IGF2R: variants seen among roughly 807,000 people sequenced by gnomAD.
IGF2R encodes the protein cation-independent mannose-6-phosphate receptor.
Under a neutral mutation model 270.6 loss-of-function variants are expected in IGF2R, and 91 were observed. The observed-to-expected ratio is 0.34, with a 90% CI of 0.28 to 0.40. The LOEUF (loss-of-function observed/expected upper bound fraction) is 0.40. IGF2R is among the 10% of genes least tolerant of loss of function. The pLI, the probability that IGF2R is intolerant of heterozygous loss-of-function variation, is 1.00. For missense variants in IGF2R, 2,805 were observed against 3,188.3 expected (o/e 0.88, Z 2.90); for synonymous variants, 1,316 against 1,258.9 (o/e 1.05, Z -0.96).
At chr6:160,079,870 G>C in intron 38 of IGF2R, 83 bp downstream of exon 38, 1 of 1,279,286 alleles carries the variant, frequency 7.8e-7, no homozygotes, top group Non-Finnish European at 1.1e-6. Flanking sequence ...AAGCTGCGGA[G>C]TGGAGCTCCA....
In IGF2R at chr6:159,981,393, T is replaced by A. The variant is rs941252211; in HGVS notation, c.150-9791T>A. Among the ~76,000 whole-genome samples, 12 of 152,180 alleles carry A rather than the reference T, an allele frequency of 7.9e-5. No homozygotes were observed. In the South Asian group the frequency reaches 2.5e-3, roughly 32 times the overall value. On this transcript the variant is annotated intron_variant, in intron 1 of 47. Transcript: ENST00000356956. ...TGCGTGTGTCTCTGTCTTCATCAGCTCCTAGGAGATGCCTCCGGACAGGGG... is the reference window on the plus strand; with the variant it reads ...TGCGTGTGTCTCTGTCTTCATCAGCACCTAGGAGATGCCTCCGGACAGGGG...
intron 14 of IGF2R, 58 bp downstream of exon 14, chr6:160,045,940 T>A (rs898380689): frequency 7.1e-7 from 1 of 1,411,700 alleles, no homozygotes; most frequent in African/African-American, 1.5e-5. Flanking sequence ...TAAGGTTTTT[T>A]CCTTAACATT....
At position 160,063,461 on chromosome 6, in the gene IGF2R, C is replaced by T; in HGVS notation, c.3717C>T (p.Asp1239=). The T allele has an allele frequency of 6.2e-7, 1 of 1,613,086 alleles. No homozygotes were observed. Among genetic ancestry groups the T allele is most frequent in the Non-Finnish European group, 8.5e-7 (1 of 1,180,022 alleles). ...ACCCAAGGCATGGCAACTTGTATGA[C>T]CTGAAGCCCCTGGGCCTCAACGACA... The part of the protein sequence containing the change: ...VKDPRHGNLY[D]LKPLGLNDTI... Residue 1239 remains aspartate (D), a synonymous_variant, in exon 27 of 48, where the codon GAC becomes GAT. Transcript: ENST00000356956.
At chr6:160,053,675 C>T (rs1778246371) in intron 19 of IGF2R, among the ~76,000 whole-genome samples, 1 of 152,126 alleles carries the variant, frequency 6.6e-6, no homozygotes, top group Non-Finnish European at 1.5e-5. Flanking sequence ...ATATTATACA[C>T]ATCTCTGGTG....
At chr6:160,048,028 C>T in intron 17 of IGF2R, 121 bp downstream of exon 17, 1 of 740,560 alleles carries the variant, frequency 1.4e-6, no homozygotes, top group South Asian at 1.5e-5. Context: ...GGCTGCAGGA[C>T]CAAGGTGGGG....
chr6:160,031,285 TGTC>T (rs1032703666), intron 7 of IGF2R, among the ~76,000 whole-genome samples: 2 of 152,234 alleles, frequency 1.3e-5, no homozygotes, highest in African/African-American at 4.8e-5. Flanking sequence ...ACACTCACCT[TGTC>T]ATATAGATCA....
intron 23 of IGF2R, 77 bp downstream of exon 23, chr6:160,060,794 C>T (rs1778422467): frequency 2.1e-6 from 3 of 1,406,246 alleles, no homozygotes; most frequent in South Asian, 2.5e-5. Flanking sequence ...AGGTGTGTTT[C>T]TGTGTGTATG....
chr6:160,073,293 G>A lies in IGF2R; in HGVS notation c.4771G>A (p.Val1591Met), dbSNP rs1778784341. Residue 1591 changes from valine to methionine, a missense_variant, in exon 34 of 48, where the codon GTG becomes ATG. By Grantham distance (21) the Val-to-Met change is conservative (BLOSUM62 1). Coordinates refer to ENST00000356956, the MANE Select transcript of IGF2R (RefSeq NM_000876.4). ...LRYVDQVLQL[V>M]YKDGSPCPSK... is the part of the protein sequence containing the mutation. ...ATACGTGGACCAGGTCCTGCAGCTGGTGTACAAGGATGGGTCCCCTTGTCC... is the reference window on the plus strand; with the variant it reads ...ATACGTGGACCAGGTCCTGCAGCTGATGTACAAGGATGGGTCCCCTTGTCC... 1 of 1,614,268 alleles carries A rather than the reference G, an allele frequency of 6.2e-7. No individual in the cohort carries two copies. The highest frequency in any genetic ancestry group is 8.5e-7 in the Non-Finnish European group (1 of 1,180,056).
chr6:160,089,794 T>C, intron 43 of IGF2R, 122 bp from the exon 44 acceptor site: 1 of 613,268 alleles, frequency 1.6e-6, no homozygotes, highest in Non-Finnish European at 2.7e-6. Flanking sequence ...GTGTCCGTGC[T>C]TCCTTTCCCT....
chr6:160,001,014 G>C (rs1199850726), intron 2 of IGF2R, among the ~76,000 whole-genome samples: 1 of 152,076 alleles, frequency 6.6e-6, no homozygotes. Context: ...TGGGATTACA[G>C]GTGTGAGCCA....
chr6:159,986,133 G>A (rs1291136676), intron 1 of IGF2R, among the ~76,000 whole-genome samples: 1 of 151,928 alleles, frequency 6.6e-6, no homozygotes, highest in African/African-American at 2.4e-5. Context: ...GTTTCCTTCA[G>A]TTGAGATGGA....
intron 1 of IGF2R, among the ~76,000 whole-genome samples, chr6:159,969,651 G>A (rs1229845449): frequency 6.6e-5 from 10 of 152,178 alleles, no homozygotes; most frequent in Admixed American, 4.6e-4. Flanking sequence ...ACTTGTGGCT[G>A]TCGCTGAGTC....
At chr6:160,080,999 G>A (rs914978310) in intron 39 of IGF2R, among the ~76,000 whole-genome samples, 9 of 151,442 alleles carry the variant, frequency 5.9e-5, no homozygotes, top group South Asian at 2.1e-4. Flanking sequence ...GGTGGCGGGC[G>A]CCTGTAGTCC....
At chr6:160,098,594 G>A (rs533351137) in intron 45 of IGF2R, among the ~76,000 whole-genome samples, 11 of 152,076 alleles carry the variant, frequency 7.2e-5, no homozygotes, top group South Asian at 2.1e-4. Context: ...TAAGGTGGGC[G>A]GATCACTTGA....
intron 1 of IGF2R, among the ~76,000 whole-genome samples, chr6:159,982,767 G>T (rs2115175259): frequency 6.6e-6 from 1 of 152,348 alleles, no homozygotes; most frequent in East Asian, 1.9e-4. Flanking sequence ...AATAAATGAG[G>T]AAGGGACAGA....
intron 1 of IGF2R, among the ~76,000 whole-genome samples, chr6:159,980,143 T>C (rs1412951715): frequency 2.0e-5 from 3 of 149,174 alleles, no homozygotes; most frequent in Admixed American, 6.8e-5. Context: ...ATCGCACCGC[T>C]GCACTCCAGC....
chr6:159,995,318 G>GT (rs139027939), intron 2 of IGF2R, among the ~76,000 whole-genome samples: 14,337 of 150,214 alleles, frequency 0.095, 704 homozygotes, highest in Middle Eastern at 0.14. Context: ...TTGAGTCTTT[G>GT]TTTTTACCAG....
intron 10 of IGF2R, among the ~76,000 whole-genome samples, chr6:160,036,352 G>GT (rs936315633): frequency 2.6e-5 from 4 of 152,038 alleles, no homozygotes; most frequent in Non-Finnish European, 5.9e-5. Flanking sequence ...TCTCCTACTT[G>GT]GTGTCCCCAG....
chr6:160,029,901 A>G (rs1267109717), intron 7 of IGF2R, among the ~76,000 whole-genome samples: 1 of 152,234 alleles, frequency 6.6e-6, no homozygotes, highest in Non-Finnish European at 1.5e-5. Flanking sequence ...AGGGGCCTCC[A>G]CATATAATGG....
Sources: gnomAD v4.1 joint callset for allele counts (sites outside exome capture counted in the v4.1 genomes callset) on GRCh38, gnomAD v4.1.1 for gene constraint, MANE v1.5 for transcripts, NCBI Gene and HGNC (gene_info 2026-07-23, HGNC 2026-07-21) for gene names.